Variants in ZMIZ1 observed in about 807,000 individuals in gnomAD.
ZMIZ1 encodes zinc finger MIZ domain-containing protein 1.
A neutral mutation model predicts 113.9 loss-of-function variants in ZMIZ1; 17 were observed. The observed-to-expected ratio is 0.15, with a 90% CI of 0.10 to 0.22. The LOEUF (loss-of-function observed/expected upper bound fraction) is 0.22. Ranked by LOEUF, ZMIZ1 falls within the 10% of genes least tolerant of loss-of-function variation. The probability of loss-of-function intolerance (pLI) is 1.00; values close to 1 mark genes in which losing one functional copy is unlikely to be tolerated. For synonymous variants in ZMIZ1, 607 were observed against 603.1 expected, an observed-to-expected ratio of 1.01 and a Z score of -0.09; for missense variants, 1,059 against 1,477.8, an observed-to-expected ratio of 0.72 and a Z score of 4.65.
intron 3 of ZMIZ1, among the ~76,000 whole-genome samples, chr10:79,151,390 G>A (rs1371494864): frequency 1.3e-5 from 2 of 152,182 alleles, no homozygotes; most frequent in African/African-American, 4.8e-5. Context: ...TTACAGGTCA[G>A]GATTAGGACT....
At chr10:79,165,997 T>G (rs1294708720) in intron 4 of ZMIZ1, among the ~76,000 whole-genome samples, 2 of 10,148 alleles carry the variant, frequency 2.0e-4, no homozygotes, top group Admixed American at 6.4e-4. Flanking sequence ...TGTGTGTGTG[T>G]GTGTGGGCTC....
chr10:79,143,508 T>G (rs1845356207), intron 3 of ZMIZ1, among the ~76,000 whole-genome samples: 1 of 152,190 alleles, frequency 6.6e-6, no homozygotes, highest in Non-Finnish European at 1.5e-5. Flanking sequence ...TTGACCACTC[T>G]GAGGTCAACC....
intron 1 of ZMIZ1, among the ~76,000 whole-genome samples, chr10:79,113,651 C>T (rs375356442): frequency 1.2e-4 from 19 of 152,338 alleles, no homozygotes; most frequent in South Asian, 1.0e-3. Context: ...ATTCTATTCC[C>T]TTTTTCTAGA....
chr10:79,307,755 T>C (rs1418286670), intron 23 of ZMIZ1, among the ~76,000 whole-genome samples, 184 bp downstream of exon 23: 1 of 152,096 alleles, frequency 6.6e-6, no homozygotes, highest in Non-Finnish European at 1.5e-5. Context: ...TAGACTTGGC[T>C]GTTTTACCTA....
chr10:79,312,367 A>G (rs1855234600), intron 24 of ZMIZ1, among the ~76,000 whole-genome samples: 1 of 152,258 alleles, frequency 6.6e-6, no homozygotes. Context: ...ATGCCTGAAA[A>G]GGGTCAGCCC....
chr10:79,197,642 A>ACACACACACC (rs1330208910), intron 4 of ZMIZ1, among the ~76,000 whole-genome samples: 9 of 145,458 alleles, frequency 6.2e-5, no homozygotes, highest in African/African-American at 2.3e-4. Context: ...ACACACACAC[A>ACACACACACC]CCTGTACCCT....
chr10:79,242,309 C>G (rs1223997500), intron 7 of ZMIZ1, among the ~76,000 whole-genome samples: 1 of 152,120 alleles, frequency 6.6e-6, no homozygotes, highest in Non-Finnish European at 1.5e-5. Context: ...CGCAGCCGCC[C>G]CCGGCTTCCC....
chr10:79,277,411 G>C, intron 8 of ZMIZ1, 86 bp downstream of exon 8: 1 of 1,455,066 alleles, frequency 6.9e-7, no homozygotes, highest in South Asian at 1.4e-5. Context: ...TGGGGTGGGG[G>C]CCTCTGTGCA....
At chr10:79,128,197 C>T (rs1399260706) in intron 2 of ZMIZ1, among the ~76,000 whole-genome samples, 1 of 152,148 alleles carries the variant, frequency 6.6e-6, no homozygotes, top group African/African-American at 2.4e-5. Flanking sequence ...CTACTCCACC[C>T]CTAGGTGCTT....
At chr10:79,256,948 C>G (rs549830337) in intron 7 of ZMIZ1, among the ~76,000 whole-genome samples, 1 of 152,342 alleles carries the variant, frequency 6.6e-6, no homozygotes, top group African/African-American at 2.4e-5. Flanking sequence ...CCAGGTGACA[C>G]AGCCCATCAG....
chr10:79,311,222 G>T, intron 24 of ZMIZ1, 38 bp downstream of exon 24: 3 of 1,576,088 alleles, frequency 1.9e-6, no homozygotes, highest in Non-Finnish European at 2.6e-6. Flanking sequence ...CCTGGGGCTA[G>T]GCCTGGCGCC....
Position 79,265,439 on chromosome 10 carries a change from G to A in ZMIZ1, c.281-11742G>A, listed in dbSNP as rs1014883692. Among the ~76,000 whole-genome samples the A allele has an allele frequency of 5.3e-5, 8 of 151,158 alleles. No homozygotes were observed. The South Asian group carries it at 8.3e-4, about 16-fold the overall frequency. ...GGACAGGGTCACTCGCAGCCCAAGC[G>A]CCAGCAGACAACTCCTTTTTTTTCT... On this transcript the variant is annotated intron_variant, in intron 7 of 24. Transcript: ENST00000334512.
rs534600506 is a variant in ZMIZ1 at position 79,145,643 on chromosome 10, T to C, written c.-131+5866T>C. On this transcript the variant is annotated intron_variant, in intron 3 of 24. Coordinates refer to ENST00000334512, the MANE Select transcript of ZMIZ1 (RefSeq NM_020338.4). ...GGGATTGGTGAAGAACACAGAGTCATGGAGTTATTGTGAGAAGTCAGTGAG... is the reference window on the plus strand; with the variant it reads ...GGGATTGGTGAAGAACACAGAGTCACGGAGTTATTGTGAGAAGTCAGTGAG... Among the ~76,000 whole-genome samples the C allele has an allele frequency of 2.6e-5, 4 of 152,332 alleles. No homozygotes were observed. The East Asian group carries it at 7.7e-4, about 29-fold the overall frequency.
chr10:79,142,857 A>G (rs1589328879), intron 3 of ZMIZ1, among the ~76,000 whole-genome samples: 1 of 152,186 alleles, frequency 6.6e-6, no homozygotes. Context: ...GGCAGGTCAC[A>G]TGCTGCCCAT....
intron 3 of ZMIZ1, among the ~76,000 whole-genome samples, chr10:79,147,859 G>A (rs1845555496): frequency 6.6e-6 from 1 of 152,326 alleles, no homozygotes; most frequent in African/African-American, 2.4e-5. Context: ...AAGCAAATGT[G>A]TGCATGTGGG....
chr10:79,240,638 C>CTTTT lies in ZMIZ1; in HGVS notation c.280+24388_280+24391dup, dbSNP rs56903717. Among the ~76,000 whole-genome samples, 372 of 55,302 alleles carry CTTTT rather than the reference C, an allele frequency of 6.7e-3. 38 individuals are homozygous for CTTTT. The highest frequency in any genetic ancestry group is 0.018 in the African/African-American group (221 of 11,968). 36.3% of individuals were successfully genotyped at this position (55,302 alleles called of 152,430 possible). ...CGTAAATCTAGTGAAGAGTATTTAT[C>CTTTT]TTTTTTTTTTTTTTTTTTTTTTTTT... On this transcript the variant is annotated intron_variant, in intron 7 of 24. Coordinates refer to ENST00000334512, the MANE Select transcript of ZMIZ1 (RefSeq NM_020338.4).
At chr10:79,164,526 G>A (rs1233674275) in intron 4 of ZMIZ1, among the ~76,000 whole-genome samples, 2 of 152,152 alleles carry the variant, frequency 1.3e-5, no homozygotes, top group African/African-American at 4.8e-5. Flanking sequence ...TTATAATTTG[G>A]AGTGACAGTC....
chr10:79,146,168 G>A (rs756485944), intron 3 of ZMIZ1, among the ~76,000 whole-genome samples: 7 of 152,008 alleles, frequency 4.6e-5, no homozygotes, highest in Non-Finnish European at 8.8e-5. Flanking sequence ...GGCATTTCCC[G>A]CTCCCCACTC....
At chr10:79,264,302 C>T (rs1329072277) in intron 7 of ZMIZ1, among the ~76,000 whole-genome samples, 1 of 152,158 alleles carries the variant, frequency 6.6e-6, no homozygotes. Context: ...AAATGGAGGT[C>T]GAGAGGCATT....
Sources: allele counts gnomAD v4.1 joint callset (sites outside exome capture counted in the v4.1 genomes callset), GRCh38; gene constraint gnomAD v4.1.1; transcripts MANE v1.5; gene names NCBI Gene and HGNC (gene_info 2026-07-23, HGNC 2026-07-21).